The following ATP2B2 variants were observed in gnomAD, a reference collection of about 807,000 sequenced individuals.
ATP2B2 encodes the protein plasma membrane calcium-transporting ATPase 2.
Under a neutral mutation model 120.0 loss-of-function variants are expected in ATP2B2, and 15 were observed. That is an observed-to-expected ratio of 0.12 (90% CI 0.08 to 0.19). The LOEUF (loss-of-function observed/expected upper bound fraction) is 0.19. Among genes scored for constraint, ATP2B2 ranks in the 10% least tolerant of loss-of-function variants. The pLI is 1.00. For missense variants in ATP2B2, 1,045 were observed against 1,719.8 expected (o/e 0.61, Z 6.94); for synonymous variants, 694 against 700.3 (o/e 0.99, Z 0.14).
In ATP2B2 at chr3:10,486,834, C is replaced by T. The variant is rs1003759788; in HGVS notation, c.-320+18631G>A. ...TCCTGGGTTCAAGCAATTCTCCTGCCTCAGCCTCCTGAGTAGCTGGGACTA... is the reference window on the plus strand; with the variant it reads ...TCCTGGGTTCAAGCAATTCTCCTGCTTCAGCCTCCTGAGTAGCTGGGACTA... On this transcript the variant is annotated intron_variant, in intron 1 of 22. Coordinates refer to ENST00000360273, the MANE Select transcript of ATP2B2 (RefSeq NM_001001331.4). Among the ~76,000 whole-genome samples the T allele has an allele frequency of 3.9e-5, 6 of 152,146 alleles. 1 individual carries two copies. The South Asian group carries it at 8.3e-4, about 21-fold the overall frequency.
At position 10,402,962 on chromosome 3, in the gene ATP2B2, A is replaced by G. The variant is rs1173306486; in HGVS notation, c.398-614T>C. On this transcript the variant is annotated intron_variant, in intron 3 of 22. Coordinates refer to ENST00000360273, the MANE Select transcript of ATP2B2 (RefSeq NM_001001331.4). The surrounding 1 kb of genome is among the most constrained non-coding windows in gnomAD (Gnocchi z 4.9). ...TTTTTTTCCAGAACAAAGGCAGCCA[A>G]TATTACACTTGCTTTAGGGTCTGAA... is the stretch of plus-strand genomic sequence containing the variant. Among the ~76,000 whole-genome samples, 2 of 150,558 alleles carry G rather than the reference A, an allele frequency of 1.3e-5. No homozygotes were observed. Among genetic ancestry groups the G allele is most frequent in the Non-Finnish European group, 2.9e-5 (2 of 68,028 alleles).
intron 2 of ATP2B2, among the ~76,000 whole-genome samples, chr3:10,422,810 G>A (rs144433363): frequency 1.3e-5 from 2 of 152,362 alleles, no homozygotes; most frequent in African/African-American, 4.8e-5. Flanking sequence ...CTGTGTTCCT[G>A]TAATTCAACA....
At chr3:10,671,301 G>A (rs1021118425) in intron 1 of ATP2B2, among the ~76,000 whole-genome samples, 1 of 152,192 alleles carries the variant, frequency 6.6e-6, no homozygotes, top group Admixed American at 6.5e-5. Flanking sequence ...TTCAGCTATC[G>A]ACTGCTCTGT....
At chr3:10,384,358 A>T (rs931411087) in intron 8 of ATP2B2, among the ~76,000 whole-genome samples, 1 of 152,170 alleles carries the variant, frequency 6.6e-6, no homozygotes, top group Admixed American at 6.5e-5. Flanking sequence ...CTCTGGGGCA[A>T]TGTTTTCATG....
At chr3:10,667,338 C>A (rs2070967922) in intron 1 of ATP2B2, among the ~76,000 whole-genome samples, 1 of 152,152 alleles carries the variant, frequency 6.6e-6, no homozygotes, top group Non-Finnish European at 1.5e-5. Context: ...TCAGACACCA[C>A]AATATTATGT....
chr3:10,601,172 G>A (rs1245320102), intron 2 of ATP2B2, among the ~76,000 whole-genome samples: 1 of 152,154 alleles, frequency 6.6e-6, no homozygotes, highest in Non-Finnish European at 1.5e-5. Context: ...TAAAGGGCAG[G>A]AGAGTGGCCA....
intron 1 of ATP2B2, among the ~76,000 whole-genome samples, chr3:10,649,864 C>G (rs2070410219): frequency 6.6e-6 from 1 of 152,222 alleles, no homozygotes; most frequent in Non-Finnish European, 1.5e-5. Flanking sequence ...CTCCTGTGTA[C>G]CACCATGTGA....
chr3:10,597,846 G>A (rs888915664), intron 2 of ATP2B2, among the ~76,000 whole-genome samples: 2 of 152,198 alleles, frequency 1.3e-5, no homozygotes, highest in Admixed American at 1.3e-4. Flanking sequence ...AAGCCTTTGA[G>A]CCTTGGTCAC....
exon 1 of ATP2B2, chr3:10,707,942 G>T: frequency 6.6e-6 from 1 of 150,656 alleles, no homozygotes; most frequent in Non-Finnish European, 1.5e-5. Flanking sequence ...GCGAGATGCT[G>T]CCGCCGCCGC....
intron 2 of ATP2B2, among the ~76,000 whole-genome samples, chr3:10,419,924 G>A (rs2125058950): frequency 6.6e-6 from 1 of 152,346 alleles, no homozygotes; most frequent in African/African-American, 2.4e-5. Flanking sequence ...GGGGTGCTCA[G>A]GAAATTTCAG....
chr3:10,703,229 G>A (rs112249592), intron 1 of ATP2B2, among the ~76,000 whole-genome samples: 1 of 152,160 alleles, frequency 6.6e-6, no homozygotes, highest in African/African-American at 2.4e-5. Flanking sequence ...ATGGGAAGAG[G>A]GATGGGCTAC....
At chr3:10,412,982 C>G (rs1438148354) in intron 2 of ATP2B2, among the ~76,000 whole-genome samples, 2 of 152,228 alleles carry the variant, frequency 1.3e-5, no homozygotes, top group African/African-American at 4.8e-5. Context: ...CTCCTGTGAA[C>G]AGCACTAGCA....
At chr3:10,461,700 G>C (rs1331489507) in intron 1 of ATP2B2, among the ~76,000 whole-genome samples, 1 of 152,092 alleles carries the variant, frequency 6.6e-6, no homozygotes, top group South Asian at 2.1e-4. Flanking sequence ...CTCGTGCTTT[G>C]GGGCTCCTGT....
chr3:10,364,635 C>T (rs980160450), intron 12 of ATP2B2, among the ~76,000 whole-genome samples: 3 of 151,990 alleles, frequency 2.0e-5, no homozygotes, highest in Admixed American at 6.6e-5. Context: ...CACACAAACC[C>T]GGGAGGCGGA....
chr3:10,363,634 G>A (rs1029964639), intron 12 of ATP2B2, among the ~76,000 whole-genome samples: 5 of 152,062 alleles, frequency 3.3e-5, no homozygotes, highest in African/African-American at 7.2e-5. Flanking sequence ...AGAGCTACAC[G>A]TTACGGATAA....
At chr3:10,619,057 C>G (rs76418498) in intron 2 of ATP2B2, among the ~76,000 whole-genome samples, 2,202 of 152,242 alleles carry the variant, frequency 0.014, 16 homozygotes, top group Middle Eastern at 0.037. Context: ...CACACACACC[C>G]ACCCCCAAGG....
intron 5 of ATP2B2, among the ~76,000 whole-genome samples, chr3:10,398,809 T>G (rs2062126986): frequency 6.6e-6 from 1 of 152,164 alleles, no homozygotes; most frequent in Admixed American, 6.5e-5. Flanking sequence ...CCCCTTATGC[T>G]TCTTGTCCTG....
At chr3:10,568,346 A>G (rs968206543) in intron 2 of ATP2B2, among the ~76,000 whole-genome samples, 3 of 152,204 alleles carry the variant, frequency 2.0e-5, no homozygotes, top group African/African-American at 7.2e-5. Context: ...ATGAGTGTCC[A>G]GGAGGTTTTC....
intron 1 of ATP2B2, among the ~76,000 whole-genome samples, chr3:10,668,286 C>T (rs142461004): frequency 7.4e-4 from 112 of 152,334 alleles, no homozygotes; most frequent in Middle Eastern, 3.4e-3. Context: ...AGAGGTTAAG[C>T]GACTTGGTCA....
Sources: gnomAD v4.1 joint callset for allele counts (sites outside exome capture counted in the v4.1 genomes callset) on GRCh38, gnomAD v4.1.1 for gene constraint, Gnocchi (gnomAD v3.1) non-coding constraint, MANE v1.5 for transcripts, NCBI Gene and HGNC (gene_info 2026-07-23, HGNC 2026-07-21) for gene names.